Variants in LRRC38 observed in about 807,000 individuals in gnomAD.
The protein encoded by LRRC38 is leucine rich repeat containing 38, also known as leucine-rich repeat-containing protein 38.
In LRRC38, 5 loss-of-function variants were observed where a neutral mutation model predicts 16.4. That is an observed-to-expected ratio of 0.31 (90% CI 0.16 to 0.64). LRRC38 has a LOEUF of 0.64. Among genes scored for constraint, LRRC38 ranks in the 30% least tolerant of loss-of-function variants. The pLI is 0.80. For missense variants in LRRC38, 341 were observed against 401.8 expected (o/e 0.85, Z 1.29); for synonymous variants, 191 against 190.2 (o/e 1.00, Z -0.04).
chr1:13,495,583 G>A (rs354590), intron 1 of LRRC38, among the ~76,000 whole-genome samples: 57,185 of 151,680 alleles, frequency 0.38, 11,606 homozygotes, highest in African/African-American at 0.53. Context: ...CTACTCCTTC[G>A]GCCAGCAGAA....
intron 1 of LRRC38, among the ~76,000 whole-genome samples, chr1:13,509,815 T>C (rs777752710): frequency 1.3e-5 from 2 of 152,140 alleles, no homozygotes; most frequent in Non-Finnish European, 2.9e-5. Context: ...GACAGGCAAC[T>C]TATACACAGT....
chr1:13,505,175 C>G (rs150439290), intron 1 of LRRC38, among the ~76,000 whole-genome samples: 2 of 152,350 alleles, frequency 1.3e-5, no homozygotes, highest in African/African-American at 4.8e-5. Context: ...TCAGCCACTC[C>G]CGCTGTGCTT....
rs1638945931 is a variant in LRRC38 at position 13,487,238 on chromosome 1, A to G, written c.632-11139T>C. 6.6e-6 allele frequency among the ~76,000 whole-genome samples: 1 copy of G among 152,198 alleles called. No individual in the cohort carries two copies. Among genetic ancestry groups the G allele is most frequent in the Non-Finnish European group, 1.5e-5 (1 of 68,032 alleles). On this transcript the variant is annotated intron_variant, in intron 1 of 1. Transcript: ENST00000376085. This position sits in a 1 kb window ranked among gnomAD's most constrained non-coding sequence, Gnocchi z 4.4. ...AGATACCCAACCGATGGATTCTAGG[A>G]CAACGGAATTCAAGAACGAATTGGG...
chr1:13,481,759 T>TCTCTCTCTCTCTCTCTCTC (rs1557495236), intron 1 of LRRC38, among the ~76,000 whole-genome samples: 1 of 57,722 alleles, frequency 1.7e-5, no homozygotes, highest in Non-Finnish European at 3.6e-5. Context: ...CTCACTTTCT[T>TCTCTCTCTCTCTCTCTCTC]TCCCTCTCTC....
In LRRC38 at chr1:13,513,586, G is replaced by C; in HGVS notation, c.8C>G (p.Pro3Arg). The change falls in exon 1 of 2, where the codon CCC becomes CGC. Residue 3 changes from proline to arginine, a missense_variant. Pro to Arg is a moderately radical substitution (Grantham distance 103, BLOSUM62 -2). Coordinates refer to ENST00000376085, the MANE Select transcript of LRRC38 (RefSeq NM_001010847.2). MR[P>R]RAPACAAAAL... ...CGCGGCGGCGCAGGCTGGGGCTCGGGGGCGCATGGCCGGGGGGCCCGCGCC... is the reference window on the plus strand; with the variant it reads ...CGCGGCGGCGCAGGCTGGGGCTCGGCGGCGCATGGCCGGGGGGCCCGCGCC... 13 of 1,168,998 alleles carry C rather than the reference G, an allele frequency of 1.1e-5. No individual in the cohort carries two copies. Among genetic ancestry groups the C allele is most frequent in the Non-Finnish European group, 1.4e-5 (13 of 948,350 alleles). 72.4% of individuals were successfully genotyped at this position (1,168,998 alleles called of 1,614,324 possible).
intron 1 of LRRC38, 47 bp downstream of exon 1, chr1:13,512,916 T>TC: frequency 7.3e-7 from 1 of 1,364,774 alleles, no homozygotes. Context: ...GGGTGGCCTC[T>TC]CCCTGCCCCC....
Position 13,487,983 on chromosome 1 carries a change from T to TA in LRRC38, c.632-11885dup, listed in dbSNP as rs199727270. Among the ~76,000 whole-genome samples the TA allele has an allele frequency of 5.9e-3, 886 of 150,816 alleles. 2 individuals are homozygous for TA. The highest frequency in any genetic ancestry group is 0.01 in the Non-Finnish European group (699 of 67,744). ...AAAATAATCAAAAACAAGGGAGAAT[T>TA]AAAAAAAAAGTTAACACTTGGCTTA... On this transcript the variant is annotated intron_variant, in intron 1 of 1. Transcript: ENST00000376085. This position sits in a 1 kb window ranked among gnomAD's most constrained non-coding sequence, Gnocchi z 4.4.
intron 1 of LRRC38, among the ~76,000 whole-genome samples, chr1:13,485,729 G>C (rs1459118421): frequency 6.6e-6 from 1 of 152,214 alleles, no homozygotes; most frequent in African/African-American, 2.4e-5. Flanking sequence ...TCAGGGCAAA[G>C]AGCACTAAAA....
Position 13,475,899 on chromosome 1 carries a change from T to A in LRRC38, c.832A>T (p.Arg278Trp). The change falls in exon 2 of 2, where the codon AGG (arginine) becomes TGG (tryptophan). Residue 278 changes from arginine (R) to tryptophan (W), a missense_variant. By Grantham distance (101) the Arg-to-Trp change is moderately radical. Coordinates refer to ENST00000376085, the MANE Select transcript of LRRC38 (RefSeq NM_001010847.2). The surrounding 1 kb of genome is among the most constrained non-coding windows in gnomAD (Gnocchi z 4.3). ...FLATVVQCLQ[R>W]CAPNKDAEDE... ...TCCGCATCTTTGTTGGGTGCGCACC[T>A]CTGGAGGCACTGCACCACAGTGGCC... 6.4e-7 allele frequency: 1 copy of A among 1,550,538 alleles called. No individual in the cohort carries two copies. Among genetic ancestry groups the A allele is most frequent in the African/African-American group, 1.4e-5 (1 of 73,132 alleles).
At chr1:13,476,744 A>G (rs1467831499) in intron 1 of LRRC38, among the ~76,000 whole-genome samples, 1 of 152,076 alleles carries the variant, frequency 6.6e-6, no homozygotes, top group Non-Finnish European at 1.5e-5. Flanking sequence ...AGTAGCAGGG[A>G]GTGGAGGTTG....
chr1:13,490,365 G>C (rs1042361495), intron 1 of LRRC38, among the ~76,000 whole-genome samples: 1 of 152,098 alleles, frequency 6.6e-6, no homozygotes, highest in Admixed American at 6.5e-5. Context: ...CACCATGTTA[G>C]CCAGGCTGGT....
intron 1 of LRRC38, among the ~76,000 whole-genome samples, chr1:13,501,827 A>G (rs1010123809): frequency 3.3e-5 from 5 of 151,836 alleles, no homozygotes; most frequent in Non-Finnish European, 7.4e-5. Context: ...CCCAGGCTGG[A>G]GTGCAGTGGC....
intron 1 of LRRC38, among the ~76,000 whole-genome samples, chr1:13,488,282 T>C (rs954587960): frequency 7.2e-6 from 1 of 138,342 alleles, no homozygotes; most frequent in Non-Finnish European, 1.6e-5. Flanking sequence ...TTTTTTTTTT[T>C]GTCTGAGACA....
At chr1:13,502,623 T>C (rs979034011) in intron 1 of LRRC38, among the ~76,000 whole-genome samples, 3 of 152,236 alleles carry the variant, frequency 2.0e-5, no homozygotes, top group Admixed American at 6.5e-5. Flanking sequence ...AGGAATGGTC[T>C]ATAAACCACT....
chr1:13,478,777 T>C (rs1490978126), intron 1 of LRRC38, among the ~76,000 whole-genome samples: 3 of 152,196 alleles, frequency 2.0e-5, no homozygotes, highest in Non-Finnish European at 4.4e-5. Context: ...GGTTTGTGTG[T>C]CTTTTTTTCT....
chr1:13,490,147 G>GT (rs1014903559), intron 1 of LRRC38, among the ~76,000 whole-genome samples: 14 of 151,902 alleles, frequency 9.2e-5, no homozygotes, highest in South Asian at 4.2e-4. Flanking sequence ...TGATCATAGT[G>GT]TTTTTTTTGT....
At chr1:13,477,800 C>T (rs1638806818) in intron 1 of LRRC38, among the ~76,000 whole-genome samples, 1 of 152,072 alleles carries the variant, frequency 6.6e-6, no homozygotes, top group South Asian at 2.1e-4. Context: ...TGCACTCTAG[C>T]CCAGAAAACA....
At chr1:13,496,633 G>A (rs186325089) in intron 1 of LRRC38, among the ~76,000 whole-genome samples, 77 of 152,138 alleles carry the variant, frequency 5.1e-4, no homozygotes, top group Admixed American at 4.5e-3. Flanking sequence ...TCCACCCACC[G>A]AGTCATTCAT....
chr1:13,493,598 A>C (rs548871808), intron 1 of LRRC38, among the ~76,000 whole-genome samples: 1 of 152,312 alleles, frequency 6.6e-6, no homozygotes, highest in South Asian at 2.1e-4. Flanking sequence ...ATTTGCAGGC[A>C]GTCCTGATAT....
Sources: gnomAD v4.1 joint callset for allele counts (sites outside exome capture counted in the v4.1 genomes callset) on GRCh38, gnomAD v4.1.1 for gene constraint, Gnocchi (gnomAD v3.1) non-coding constraint, MANE v1.5 for transcripts, NCBI Gene and HGNC (gene_info 2026-07-23, HGNC 2026-07-21) for gene names.